Variants in SUPT3H observed in about 807,000 individuals in gnomAD.
SUPT3H encodes the protein transcription initiation protein SPT3 homolog.
SUPT3H carries 44 observed loss-of-function variants against 44.3 expected under a neutral mutation model. The ratio of observed to expected loss-of-function variants is 0.99; its 90% CI spans 0.78 to 1.28. The LOEUF (loss-of-function observed/expected upper bound fraction) is 1.28. Ranked by LOEUF, SUPT3H falls within the 50% of genes most tolerant of loss-of-function variation. The pLI is 0.00. For synonymous variants in SUPT3H, 124 were observed against 125.6 expected (o/e 0.99, Z 0.09); for missense variants, 380 against 387.1 (o/e 0.98, Z 0.15).
intron 2 of SUPT3H, among the ~76,000 whole-genome samples, chr6:45,329,970 G>C (rs1032322228): frequency 6.6e-6 from 1 of 151,718 alleles, no homozygotes; most frequent in Non-Finnish European, 1.5e-5. Flanking sequence ...CTAATGACTG[G>C]AGTTTCCTTT....
intron 6 of SUPT3H, among the ~76,000 whole-genome samples, chr6:44,990,723 CTTT>C (rs1780497797): frequency 6.6e-6 from 1 of 152,092 alleles, no homozygotes; most frequent in African/African-American, 2.4e-5. Context: ...TACCTCATTT[CTTT>C]GTCTCTCCCT....
chr6:45,349,523 A>T (rs1791595408), intron 2 of SUPT3H, among the ~76,000 whole-genome samples: 2 of 152,150 alleles, frequency 1.3e-5, no homozygotes, highest in South Asian at 4.1e-4. Context: ...TTCACCCTTG[A>T]TTTATTCAAT....
chr6:45,088,165 G>A (rs1449348943), intron 3 of SUPT3H, among the ~76,000 whole-genome samples: 1 of 152,034 alleles, frequency 6.6e-6, no homozygotes, highest in African/African-American at 2.4e-5. Flanking sequence ...TGACAAGAAA[G>A]GAACAAGGAA....
intron 10 of SUPT3H, among the ~76,000 whole-genome samples, chr6:44,844,180 T>C (rs3846895): frequency 0.041 from 6,215 of 152,196 alleles, 173 homozygotes; most frequent in Non-Finnish European, 0.064. Context: ...GCTGGAACAA[T>C]TGGACATCCA....
intron 3 of SUPT3H, chr6:45,099,170 C>G (rs1798200401): frequency 3.5e-6 from 1 of 284,588 alleles, no homozygotes; most frequent in Admixed American, 4.9e-5. Flanking sequence ...AATGGGACCA[C>G]CCTTTCCTTT....
chr6:44,911,350 T>G (rs943766859), intron 10 of SUPT3H, among the ~76,000 whole-genome samples: 1 of 152,164 alleles, frequency 6.6e-6, no homozygotes, highest in Non-Finnish European at 1.5e-5. Context: ...TTGGGCAGAT[T>G]CAGAAAATAT....
rs1767966545 is a variant in SUPT3H at position 44,828,088 on chromosome 6, G to C, written c.*1728C>G. Among the ~76,000 whole-genome samples, 1 of 152,086 alleles carries C rather than the reference G, an allele frequency of 6.6e-6. No individual in the cohort carries two copies. Among genetic ancestry groups the C allele is most frequent in the Non-Finnish European group, 1.5e-5 (1 of 67,984 alleles). The stretch of plus-strand genomic sequence containing the variant: ...ACTTTAAAATGTATAATGTGGGAGA[G>C]AAGGAATTTTGATGTGAAAAATTAT... On this transcript the variant is annotated 3_prime_UTR_variant, in exon 11 of 11. Coordinates refer to ENST00000371459, the MANE Select transcript of SUPT3H (RefSeq NM_003599.4).
At chr6:44,840,881 T>C (rs1770823386) in intron 10 of SUPT3H, among the ~76,000 whole-genome samples, 1 of 152,232 alleles carries the variant, frequency 6.6e-6, no homozygotes, top group South Asian at 2.1e-4. Flanking sequence ...AACATAATTA[T>C]ATGGTGATAT....
chr6:44,834,631 CAG>C (rs942576671), intron 10 of SUPT3H, among the ~76,000 whole-genome samples: 2 of 152,144 alleles, frequency 1.3e-5, no homozygotes, highest in African/African-American at 4.8e-5. Context: ...CTTAATTTAA[CAG>C]ATGAAAAAAC....
intron 2 of SUPT3H, among the ~76,000 whole-genome samples, chr6:45,288,543 G>GTA (rs1562881724): frequency 1.3e-4 from 6 of 47,554 alleles, no homozygotes; most frequent in Admixed American, 1.1e-3. Context: ...GTGTGTGTGT[G>GTA]TGTGTATATA....
intron 2 of SUPT3H, among the ~76,000 whole-genome samples, chr6:45,186,560 A>T (rs1257572576): frequency 2.0e-5 from 3 of 152,244 alleles, no homozygotes. Context: ...CCAGGCTCAG[A>T]TAGTTTCACA....
intron 2 of SUPT3H, among the ~76,000 whole-genome samples, chr6:45,153,035 G>A (rs1459859130): frequency 9.2e-5 from 14 of 152,126 alleles, no homozygotes; most frequent in Admixed American, 9.2e-4. Flanking sequence ...CACAGGAAGA[G>A]CAATATAGCA....
chr6:45,224,734 C>T (rs370014240), intron 2 of SUPT3H, among the ~76,000 whole-genome samples: 120 of 149,100 alleles, frequency 8.0e-4, no homozygotes, highest in African/African-American at 2.7e-3. Flanking sequence ...GCTGAGATCG[C>T]GCCACTGCAC....
At chr6:44,904,200 A>G (rs1377248851) in intron 10 of SUPT3H, among the ~76,000 whole-genome samples, 1 of 152,100 alleles carries the variant, frequency 6.6e-6, no homozygotes, top group Non-Finnish European at 1.5e-5. Flanking sequence ...AATAAAGGGT[A>G]TTCAATTAGG....
At chr6:44,980,954 A>G (rs1050828969) in intron 6 of SUPT3H, among the ~76,000 whole-genome samples, 1 of 152,234 alleles carries the variant, frequency 6.6e-6, no homozygotes, top group African/African-American at 2.4e-5. Flanking sequence ...TAATCTATTC[A>G]TACCTTAGAG....
intron 2 of SUPT3H, among the ~76,000 whole-genome samples, chr6:45,339,292 C>T (rs918081400): frequency 6.6e-6 from 1 of 152,126 alleles, no homozygotes; most frequent in Admixed American, 6.6e-5. Context: ...TGGGGAAGAG[C>T]AGCTTGTGGA....
chr6:45,282,122 ACC>A (rs1778232109), intron 2 of SUPT3H, among the ~76,000 whole-genome samples: 1 of 152,148 alleles, frequency 6.6e-6, no homozygotes, highest in African/African-American at 2.4e-5. Context: ...GGTAGATAAA[ACC>A]ACAAAAATGG....
rs1481076243 is a variant in SUPT3H, at chr6:45,092,135, C to G, written c.186+13787G>C. Among the ~76,000 whole-genome samples, 4 of 151,932 alleles carry G rather than the reference C, an allele frequency of 2.6e-5. No homozygotes were observed. The South Asian group carries it at 8.3e-4, about 32-fold the overall frequency. On this transcript the variant is annotated intron_variant, in intron 3 of 10. Transcript: ENST00000371459. ...GGCTCTACACCGTCACAACTTCTTG[C>G]TGTTTCTTATCAGCATCTGCCTTAT...
intron 2 of SUPT3H, among the ~76,000 whole-genome samples, chr6:45,270,496 C>T (rs1436480261): frequency 3.9e-5 from 6 of 152,182 alleles, no homozygotes; most frequent in Admixed American, 6.6e-5. Flanking sequence ...TTTTGCTTAG[C>T]TCTCATTCTC....
Sources: gnomAD v4.1 joint callset for allele counts (sites outside exome capture counted in the v4.1 genomes callset) on GRCh38, gnomAD v4.1.1 for gene constraint, MANE v1.5 for transcripts, NCBI Gene and HGNC (gene_info 2026-07-23, HGNC 2026-07-21) for gene names.